CHRM3: variants seen among roughly 807,000 people sequenced by gnomAD.
CHRM3 encodes cholinergic receptor muscarinic 3.
Under a neutral mutation model 41.8 loss-of-function variants are expected in CHRM3, and 11 were observed. That is an observed-to-expected ratio of 0.26 (90% CI 0.17 to 0.44). CHRM3 has a LOEUF of 0.44. Ranked by LOEUF, CHRM3 falls within the 20% of genes least tolerant of loss-of-function variation. CHRM3 has a pLI of 1.00. For missense variants in CHRM3, 571 were observed against 745.4 expected, an observed-to-expected ratio of 0.77 and a Z score of 2.72; for synonymous variants, 297 against 301.4, an observed-to-expected ratio of 0.99 and a Z score of 0.15.
intron 3 of CHRM3, among the ~76,000 whole-genome samples, chr1:239,578,468 T>G (rs980706994): frequency 2.6e-5 from 4 of 152,122 alleles, no homozygotes; most frequent in African/African-American, 9.7e-5. Context: ...AGGTCAAAAT[T>G]TACTATTATG....
intron 3 of CHRM3, among the ~76,000 whole-genome samples, chr1:239,590,916 A>G (rs1003843084): frequency 6.6e-6 from 1 of 152,256 alleles, no homozygotes; most frequent in African/African-American, 2.4e-5. Flanking sequence ...TACAAACTCA[A>G]ATATAATCCC....
At chr1:239,591,035 C>T (rs779753247) in intron 3 of CHRM3, among the ~76,000 whole-genome samples, 3 of 152,106 alleles carry the variant, frequency 2.0e-5, no homozygotes, top group Non-Finnish European at 2.9e-5. Context: ...TTATGCTGGG[C>T]GCTGGTGAGA....
chr1:239,531,938 C>G (rs1257312608), intron 2 of CHRM3, among the ~76,000 whole-genome samples: 1 of 150,236 alleles, frequency 6.7e-6, no homozygotes, highest in Non-Finnish European at 1.5e-5. Flanking sequence ...GGATTACAGG[C>G]TCGAGCCGCC....
At chr1:239,821,556 G>A (rs6661705) in intron 5 of CHRM3, among the ~76,000 whole-genome samples, 37,163 of 151,970 alleles carry the variant, frequency 0.24, 4,650 homozygotes, top group East Asian at 0.33. Flanking sequence ...AGTGGCAGGG[G>A]CCCCAGGGGC....
intron 5 of CHRM3, among the ~76,000 whole-genome samples, chr1:239,812,547 A>G (rs2148989451): frequency 6.6e-6 from 1 of 152,346 alleles, no homozygotes; most frequent in East Asian, 1.9e-4. Context: ...TGGATGGTTT[A>G]ATTTTCAAAG....
intron 1 of CHRM3, among the ~76,000 whole-genome samples, chr1:239,396,368 T>A (rs1200689089): frequency 1.3e-5 from 2 of 152,110 alleles, no homozygotes; most frequent in Non-Finnish European, 2.9e-5. Context: ...TGGCTCACTT[T>A]GGAAGGCTGA....
At chr1:239,461,651 T>C (rs1356468490) in intron 1 of CHRM3, among the ~76,000 whole-genome samples, 1 of 151,690 alleles carries the variant, frequency 6.6e-6, no homozygotes, top group African/African-American at 2.4e-5. Context: ...AGCTCCCTGG[T>C]GGTCTCTCTG....
At position 239,878,134 on chromosome 1, in the gene CHRM3, C is replaced by T. The variant is rs138136724; in HGVS notation, c.-19-29299C>T. On this transcript the variant is annotated intron_variant, in intron 6 of 6. Transcript: ENST00000676153. ...CTCGATCTCCTGACCTTGTAATCCA[C>T]CCGCTTCGGCCTCCCAAAGTGTTTA... Among the ~76,000 whole-genome samples, 195 of 151,982 alleles carry T rather than the reference C, an allele frequency of 1.3e-3. 1 individual carries two copies. Among genetic ancestry groups the T allele is most frequent in the African/African-American group, 4.5e-3 (188 of 41,472 alleles).
At chr1:239,429,295 AG>A (rs1662639603) in intron 1 of CHRM3, among the ~76,000 whole-genome samples, 1 of 152,206 alleles carries the variant, frequency 6.6e-6, no homozygotes, top group African/African-American at 2.4e-5. Flanking sequence ...GCTCTGGCTG[AG>A]AAGAAAATGA....
chr1:239,887,144 T>C (rs1328799282), intron 6 of CHRM3, among the ~76,000 whole-genome samples: 1 of 152,140 alleles, frequency 6.6e-6, no homozygotes, highest in Non-Finnish European at 1.5e-5. Context: ...TCTTTTCTCC[T>C]TTTTTGAATG....
intron 6 of CHRM3, among the ~76,000 whole-genome samples, chr1:239,862,606 TA>T (rs1463687536): frequency 1.3e-5 from 2 of 152,188 alleles, no homozygotes; most frequent in Non-Finnish European, 2.9e-5. Flanking sequence ...TGTAAGCAAA[TA>T]ATTAAATGTA....
In CHRM3 at chr1:239,908,539, C is replaced by T; in HGVS notation, c.1088C>T (p.Ala363Val). 1 of 1,585,660 alleles carries T rather than the reference C, an allele frequency of 6.3e-7. No individual in the cohort carries two copies. The highest frequency in any genetic ancestry group is 8.6e-7 in the Non-Finnish European group (1 of 1,166,070). The change falls in exon 7 of 7, where the codon GCC (alanine) becomes GTC (valine). Residue 363 changes from alanine to valine, a missense_variant. Coordinates refer to ENST00000676153, the MANE Select transcript of CHRM3 (RefSeq NM_001375978.1). The surrounding 1 kb of genome is among the most constrained non-coding windows in gnomAD (Gnocchi z 7.2). ...DEEDIGSETRAIYSIVLKLPG... is the reference protein window; with the variant it reads ...DEEDIGSETRVIYSIVLKLPG... ...GAGGACATTGGCTCCGAGACGAGAG[C>T]CATCTACTCCATCGTGCTCAAGCTT...
chr1:239,480,151 A>G (rs558781710), intron 1 of CHRM3, among the ~76,000 whole-genome samples: 11 of 152,344 alleles, frequency 7.2e-5, no homozygotes, highest in Admixed American at 3.9e-4. Flanking sequence ...ATATTAAGGC[A>G]GACAAAAGCT....
chr1:239,448,981 AT>A (rs925021674), intron 1 of CHRM3, among the ~76,000 whole-genome samples: 90 of 152,274 alleles, frequency 5.9e-4, no homozygotes, highest in Non-Finnish European at 8.4e-4. Flanking sequence ...GGAATATCAG[AT>A]TTTTTTCAAC....
intron 6 of CHRM3, among the ~76,000 whole-genome samples, chr1:239,889,783 A>G (rs759516457): frequency 5.3e-5 from 8 of 152,180 alleles, no homozygotes; most frequent in Non-Finnish European, 1.0e-4. Flanking sequence ...ATTTTAAATG[A>G]CAGTCTTCCC....
intron 1 of CHRM3, among the ~76,000 whole-genome samples, chr1:239,413,096 G>GAA (rs11392278): frequency 4.5e-4 from 66 of 148,114 alleles, no homozygotes; most frequent in Non-Finnish European, 5.1e-4. Context: ...AAACAAAAAT[G>GAA]AAAAAAAAAA....
At chr1:239,466,152 C>T (rs1180636035) in intron 1 of CHRM3, among the ~76,000 whole-genome samples, 2 of 152,090 alleles carry the variant, frequency 1.3e-5, no homozygotes, top group East Asian at 3.9e-4. Flanking sequence ...CGCCACCACG[C>T]CTGGCTAATT....
intron 3 of CHRM3, among the ~76,000 whole-genome samples, chr1:239,623,261 C>T (rs559469410): frequency 7.3e-6 from 1 of 136,798 alleles, no homozygotes; most frequent in Non-Finnish European, 1.6e-5. Context: ...ATCCCTCCCC[C>T]CTCCCCCAAC....
At chr1:239,880,902 A>C (rs1304325003) in intron 6 of CHRM3, among the ~76,000 whole-genome samples, 5 of 152,186 alleles carry the variant, frequency 3.3e-5, no homozygotes, top group Non-Finnish European at 7.3e-5. Flanking sequence ...CAAGTTTAGA[A>C]GAAGAAACAG....
Sources: allele counts gnomAD v4.1 joint callset (sites outside exome capture counted in the v4.1 genomes callset), GRCh38; gene constraint gnomAD v4.1.1; non-coding constraint Gnocchi (gnomAD v3.1); transcripts MANE v1.5; gene names NCBI Gene and HGNC (gene_info 2026-07-23, HGNC 2026-07-21).